The following CERS1 variants were observed in gnomAD, a reference collection of about 807,000 sequenced individuals.
The protein encoded by CERS1 is Embryonic growth/differentiation factor 1.
In CERS1, 16 loss-of-function variants were observed where a neutral mutation model predicts 35.7. The observed-to-expected ratio is 0.45, with a 90% CI of 0.30 to 0.68. CERS1 has a LOEUF of 0.68. CERS1 is among the 30% of genes least tolerant of loss of function. The pLI is 0.08. For synonymous variants in CERS1, 243 were observed against 201.6 expected, an observed-to-expected ratio of 1.21 and a Z score of -1.74; for missense variants, 454 against 453.9, an observed-to-expected ratio of 1.00 and a Z score of 0.00.
At chr19:18,875,987 G>C (rs1174388690) in intron 6 of CERS1, among the ~76,000 whole-genome samples, 1 of 152,220 alleles carries the variant, frequency 6.6e-6, no homozygotes, top group East Asian at 1.9e-4. Flanking sequence ...AGTTCCTGTG[G>C]TTTTAAGTCA....
At position 18,878,151 on chromosome 19, in the gene CERS1, G is replaced by A. The variant is rs1423461070; in HGVS notation, c.1010+779C>T. On this transcript the variant is annotated intron_variant, in intron 6 of 7. Transcript: ENST00000623882. The surrounding 1 kb of genome is among the most constrained non-coding windows in gnomAD (Gnocchi z 4.6). Reference sequence around the variant, plus strand: ...TGGCCCCCACCGGCCAAATCAGAGGGCCTGGCTGGTCGGCACCTTCCAGGG... The same window carrying A: ...TGGCCCCCACCGGCCAAATCAGAGGACCTGGCTGGTCGGCACCTTCCAGGG... The A allele has an allele frequency of 3.0e-6, 3 of 985,508 alleles. No individual in the cohort carries two copies. The African/African-American group carries it at 5.2e-5, about 17-fold the overall frequency. 61.0% of individuals were successfully genotyped at this position (985,508 alleles called of 1,614,324 possible).
Position 18,880,339 on chromosome 19 carries a change from G to A in CERS1, c.687C>T (p.Gly229=), listed in dbSNP as rs780388289. ...TKLNIYFKSR[G]GSYHRLHALA... is the part of the protein sequence containing the mutation. ...AGGCATGCAGCCGATGGTAGGAGCC[G>A]CCGCGGGACTTGAAGTAAATGTTGA... Residue 229 remains glycine (G), a synonymous_variant, in exon 4 of 8, where the codon GGC becomes GGT. Transcript: ENST00000623882. The A allele has an allele frequency of 3.2e-6, 5 of 1,557,148 alleles. No individual in the cohort carries two copies. Among genetic ancestry groups the A allele is most frequent in the South Asian group, 1.2e-5 (1 of 84,406 alleles).
At chr19:18,881,833 T>G (rs1475339333) in intron 3 of CERS1, 1 of 152,180 alleles carries the variant, frequency 6.6e-6, no homozygotes, top group African/African-American at 2.4e-5. Context: ...CCACAATTTT[T>G]TTTTGGAGAC....
At chr19:18,891,671 G>T (rs1438319395) in intron 2 of CERS1, among the ~76,000 whole-genome samples, 2 of 151,954 alleles carry the variant, frequency 1.3e-5, no homozygotes, top group Non-Finnish European at 2.9e-5. Flanking sequence ...TCCACCTACC[G>T]GGTTCAAGCA....
intron 2 of CERS1, among the ~76,000 whole-genome samples, chr19:18,889,639 A>C (rs2056445676): frequency 6.6e-6 from 1 of 152,016 alleles, no homozygotes; most frequent in South Asian, 2.1e-4. Flanking sequence ...TATATTCCCA[A>C]GGTTGGTCTC....
rs778034405 is a variant in CERS1 at position 18,878,961 on chromosome 19, C to G, written c.979G>C (p.Glu327Gln). The G allele has an allele frequency of 5.6e-6, 9 of 1,613,666 alleles. No individual in the cohort carries two copies. The South Asian group carries it at 8.8e-5, about 16-fold the overall frequency. The change falls in exon 6 of 8, where the codon GAG (glutamate) becomes CAG (glutamine). Residue 327 changes from glutamate (E) to glutamine (Q), a missense_variant. Glu to Gln is a conservative substitution (Grantham distance 29). Coordinates refer to ENST00000623882, the MANE Select transcript of CERS1 (RefSeq NM_021267.5). This position sits in a 1 kb window ranked among gnomAD's most constrained non-coding sequence, Gnocchi z 4.6. The stretch of plus-strand genomic sequence containing the variant: ...TTGCTGGGCTTCAGGCTCTGGGCCT[C>G]GGCTGTGTCATACTCCCGCAGGTCC... ...LKDLREYDTA[E>Q]AQSLKPSKAE... is the part of the protein sequence containing the mutation.
At chr19:18,881,012 G>A (rs543401620) in intron 3 of CERS1, among the ~76,000 whole-genome samples, 11 of 151,292 alleles carry the variant, frequency 7.3e-5, no homozygotes, top group Admixed American at 7.2e-4. Context: ...GAAGTTCCTT[G>A]CTGGCCCCTC....
At chr19:18,881,163 T>C (rs999571585) in intron 3 of CERS1, among the ~76,000 whole-genome samples, 2 of 151,956 alleles carry the variant, frequency 1.3e-5, no homozygotes, top group South Asian at 4.2e-4. Flanking sequence ...ACGTGCAGCC[T>C]GGCCATCGCT....
intron 2 of CERS1, 52 bp downstream of exon 2, chr19:18,893,364 C>T (rs970979848): frequency 2.7e-5 from 42 of 1,536,464 alleles, no homozygotes; most frequent in Admixed American, 2.2e-4. Context: ...ACAAGCCTGG[C>T]GTCTTTGTGT....
intron 1 of CERS1, among the ~76,000 whole-genome samples, chr19:18,894,577 G>A (rs2056578942): frequency 6.6e-6 from 1 of 152,140 alleles, no homozygotes; most frequent in Non-Finnish European, 1.5e-5. Context: ...TGTCCCGCAG[G>A]GGTGGGGGAC....
rs1381252595 is a variant in CERS1 at position 18,868,805 on chromosome 19, AC to A, written c.*1179del. ...CGGCCCCCCGGACCCCGACAGCGCG[AC>A]GGGCAGCGCGCACTGACCCTGGCAG... On this transcript the variant is annotated 3_prime_UTR_variant, in exon 8 of 8. Coordinates refer to ENST00000623882, the MANE Select transcript of CERS1 (RefSeq NM_021267.5). 1.4e-6 allele frequency: 2 copies of A among 1,456,196 alleles called. No homozygotes were observed. The highest frequency in any genetic ancestry group is 2.5e-5 in the South Asian group (2 of 80,644). 90.2% of individuals were successfully genotyped at this position (1,456,196 alleles called of 1,614,324 possible).
rs1349040611 is a variant in CERS1, at chr19:18,868,896, C to T, written c.*1089G>A. On this transcript the variant is annotated 3_prime_UTR_variant, in exon 8 of 8. Coordinates refer to ENST00000623882, the MANE Select transcript of CERS1 (RefSeq NM_021267.5). ...TGCCAGCCCACCTCGCGGAAGCTCA[C>T]GTACAGCCGCCGCGCGCGACAAGCG... is the stretch of plus-strand genomic sequence containing the variant. 8.5e-6 allele frequency: 12 copies of T among 1,412,716 alleles called. No individual in the cohort carries two copies. Among genetic ancestry groups the T allele is most frequent in the African/African-American group, 3.1e-5 (2 of 65,502 alleles). 87.5% of individuals were successfully genotyped at this position (1,412,716 alleles called of 1,614,324 possible).
chr19:18,889,780 C>A (rs2056448358), intron 2 of CERS1, among the ~76,000 whole-genome samples: 2 of 152,050 alleles, frequency 1.3e-5, no homozygotes, highest in Non-Finnish European at 2.9e-5. Context: ...ACACTCAATG[C>A]CACCCCTGCC....
In CERS1 at chr19:18,869,993, G is replaced by C. The variant is rs752344406; in HGVS notation, c.*584C>G. 2.5e-6 allele frequency: 4 copies of C among 1,593,550 alleles called. No individual in the cohort carries two copies. In the South Asian group the frequency reaches 3.4e-5, roughly 14 times the overall value. On this transcript the variant is annotated 3_prime_UTR_variant, in exon 7 of 8. Transcript: ENST00000623882. ...GAAAGCCCCACTCACCGCGGTCCGG[G>C]ATGTGGCGCACGATGTTTCCGGCGA... is the stretch of plus-strand genomic sequence containing the variant.
At chr19:18,893,274 G>A (rs2056540518) in intron 2 of CERS1, 142 bp downstream of exon 2, 2 of 849,730 alleles carry the variant, frequency 2.4e-6, no homozygotes, top group African/African-American at 1.7e-5. Context: ...GAGTGCAGTG[G>A]CGTGCTCATA....
At chr19:18,883,888 G>T (rs7255475) in intron 3 of CERS1, among the ~76,000 whole-genome samples, 199 bp downstream of exon 3, 18,151 of 152,148 alleles carry the variant, frequency 0.12, 1,420 homozygotes, top group Non-Finnish European at 0.18. Flanking sequence ...AGGAATCTCC[G>T]GGCCCACATC....
intron 4 of CERS1, among the ~76,000 whole-genome samples, chr19:18,879,971 C>A (rs896983444): frequency 6.6e-6 from 1 of 151,776 alleles, no homozygotes; most frequent in African/African-American, 2.4e-5. Flanking sequence ...TCTTCCCCTT[C>A]CATGCCTGGC....
chr19:18,889,514 T>G (rs968647131), intron 2 of CERS1, among the ~76,000 whole-genome samples: 8 of 152,174 alleles, frequency 5.3e-5, no homozygotes, highest in Non-Finnish European at 1.0e-4. Context: ...CCTCCCGGGC[T>G]CAAGCCTCAG....
chr19:18,869,955 C>T (rs1352922645), intron 7 of CERS1, 28 bp downstream of exon 7: 27 of 1,560,546 alleles, frequency 1.7e-5, no homozygotes, highest in Non-Finnish European at 2.3e-5. Flanking sequence ...CCTCCAGGAC[C>T]AGTGTCCCCA....
Sources: gnomAD v4.1 joint callset for allele counts (sites outside exome capture counted in the v4.1 genomes callset) on GRCh38, gnomAD v4.1.1 for gene constraint, Gnocchi (gnomAD v3.1) non-coding constraint, MANE v1.5 for transcripts, NCBI Gene and HGNC (gene_info 2026-07-23, HGNC 2026-07-21) for gene names.